Variants in CTNNA1 observed in about 807,000 individuals in gnomAD.
CTNNA1 encodes the protein catenin alpha 1.
Under a neutral mutation model 98.4 loss-of-function variants are expected in CTNNA1, and 37 were observed. That is an observed-to-expected ratio of 0.38 (90% confidence interval 0.29 to 0.49). CTNNA1 has a LOEUF of 0.49. Ranked by LOEUF, CTNNA1 falls within the 20% of genes least tolerant of loss-of-function variation. The pLI, the probability that CTNNA1 is intolerant of heterozygous loss-of-function variation, is 0.95. For synonymous variants in CTNNA1, 404 were observed against 413.2 expected (o/e 0.98, Z 0.27); for missense variants, 761 against 1,147.2 (o/e 0.66, Z 4.86).
chr5:138,787,689 G>T (rs1300382935), intron 3 of CTNNA1, among the ~76,000 whole-genome samples: 1 of 152,124 alleles, frequency 6.6e-6, no homozygotes, highest in Non-Finnish European at 1.5e-5. Context: ...GTATCTTTGG[G>T]TTTGTACATG....
chr5:138,758,721 C>G (rs1751988802), intron 1 of CTNNA1, among the ~76,000 whole-genome samples: 1 of 152,052 alleles, frequency 6.6e-6, no homozygotes, highest in Non-Finnish European at 1.5e-5. Flanking sequence ...TTTTCCCATA[C>G]CTTCCTTTAG....
intron 7 of CTNNA1, among the ~76,000 whole-genome samples, chr5:138,881,907 C>T (rs1311124221): frequency 6.6e-6 from 1 of 152,202 alleles, no homozygotes; most frequent in Non-Finnish European, 1.5e-5. Context: ...TCACCCTCCT[C>T]TACCCACCTC....
At chr5:138,871,002 A>AAG (rs1750535252) in intron 7 of CTNNA1, 1 of 152,208 alleles carries the variant, frequency 6.6e-6, no homozygotes, top group Non-Finnish European at 1.5e-5. Flanking sequence ...CACCTTAAAA[A>AAG]AGAGCACATT....
At chr5:138,931,268 T>A (rs973359575) in intron 16 of CTNNA1, among the ~76,000 whole-genome samples, 1 of 152,176 alleles carries the variant, frequency 6.6e-6, no homozygotes, top group African/African-American at 2.4e-5. Flanking sequence ...GGGCCCAGGT[T>A]TCTTCATCCT....
chr5:138,815,284 G>T (rs1759317738), intron 5 of CTNNA1, among the ~76,000 whole-genome samples: 1 of 151,712 alleles, frequency 6.6e-6, no homozygotes, highest in Non-Finnish European at 1.5e-5. Context: ...CAGAAATATT[G>T]GAATTATTAT....
Position 138,887,590 on chromosome 5 carries a change from A to T in CTNNA1, c.1244A>T (p.Glu415Val). 1 of 1,612,236 alleles carries T rather than the reference A, an allele frequency of 6.2e-7. No individual in the cohort carries two copies. The highest frequency in any genetic ancestry group is 8.5e-7 in the Non-Finnish European group (1 of 1,179,268). The change falls in exon 9 of 18, where the codon GAA becomes GTA. Residue 415 changes from glutamate (E) to valine (V), a missense_variant. This residue lies in a region of CTNNA1 where 287 missense variants were observed against 436.0 expected (regional missense o/e 0.66). Coordinates refer to ENST00000302763, the MANE Select transcript of CTNNA1 (RefSeq NM_001903.5). ...GCTGCAAAGAATGGAAATGAGAAAG[A>T]AGTTAAGGAGTATGCCCAAGTTTTC... ...IEAAKNGNEK[E>V]VKEYAQVFRE...
chr5:138,898,233 A>G (rs1031298998), intron 9 of CTNNA1, among the ~76,000 whole-genome samples: 1 of 135,822 alleles, frequency 7.4e-6, no homozygotes, highest in Non-Finnish European at 1.5e-5. Flanking sequence ...TTGCACCATG[A>G]TTGGAAATTT....
chr5:138,763,842 G>C (rs1752616388), intron 1 of CTNNA1, among the ~76,000 whole-genome samples: 1 of 151,904 alleles, frequency 6.6e-6, no homozygotes, highest in Non-Finnish European at 1.5e-5. Context: ...CTGTGGACCT[G>C]GGTTATCATA....
intron 3 of CTNNA1, among the ~76,000 whole-genome samples, chr5:138,792,601 G>A (rs916834056): frequency 1.3e-5 from 2 of 152,198 alleles, no homozygotes; most frequent in African/African-American, 2.4e-5. Flanking sequence ...CATTGTGTGG[G>A]TGTGTGTGAG....
chr5:138,814,250 CTTT>C (rs201780214), intron 5 of CTNNA1, among the ~76,000 whole-genome samples: 3 of 136,702 alleles, frequency 2.2e-5, no homozygotes, highest in South Asian at 2.3e-4. Context: ...GCTCAGTGTG[CTTT>C]TTTTTTTTTT....
At chr5:138,901,560 GAC>G (rs1200830162) in intron 9 of CTNNA1, among the ~76,000 whole-genome samples, 28 of 152,102 alleles carry the variant, frequency 1.8e-4, no homozygotes, top group African/African-American at 6.8e-4. Flanking sequence ...AATTAGCTGG[GAC>G]TATAGGTGCG....
At chr5:138,837,539 CT>C (rs1404549857) in intron 7 of CTNNA1, among the ~76,000 whole-genome samples, 7 of 130,200 alleles carry the variant, frequency 5.4e-5, no homozygotes, top group Admixed American at 3.9e-4. Context: ...CCTCCCCCCC[CT>C]TTCCCCACTC....
chr5:138,789,136 C>G (rs970656970), intron 3 of CTNNA1, among the ~76,000 whole-genome samples: 1 of 151,962 alleles, frequency 6.6e-6, no homozygotes, highest in Non-Finnish European at 1.5e-5. Context: ...AGTGTGTGGT[C>G]CCTGAGGGGG....
At chr5:138,764,701 C>T (rs1290393063) in intron 1 of CTNNA1, among the ~76,000 whole-genome samples, 1 of 151,674 alleles carries the variant, frequency 6.6e-6, no homozygotes, top group African/African-American at 2.4e-5. Context: ...GAACTCCTGA[C>T]CTCAGGTGAT....
Position 138,811,401 on chromosome 5 carries a change from C to T in CTNNA1, c.469-782C>T, listed in dbSNP as rs374120586. Among the ~76,000 whole-genome samples, 9 of 110,872 alleles carry T rather than the reference C, an allele frequency of 8.1e-5. 1 individual carries two copies. The East Asian group carries it at 2.2e-3, about 28-fold the overall frequency. The allele number at this position is 110,872 out of a possible 152,430, so 72.7% of individuals were successfully genotyped here. ...GCTCCTCACTTCCCAGATGGGATGG[C>T]GGCCGGGCAGAGACGCTCCTCACTT... On this transcript the variant is annotated intron_variant, in intron 4 of 17. Coordinates refer to ENST00000302763, the MANE Select transcript of CTNNA1 (RefSeq NM_001903.5).
Position 138,783,207 on chromosome 5 carries a change from G to T in CTNNA1, c.136G>T (p.Gly46Trp), listed in dbSNP as rs751978245. 7 of 1,613,126 alleles carry T rather than the reference G, an allele frequency of 4.3e-6. No homozygotes were observed. In the South Asian group the frequency reaches 4.4e-5, roughly 10 times the overall value. The change falls in exon 3 of 18, where the codon GGG becomes TGG. Residue 46 changes from glycine (G) to tryptophan (W), a missense_variant. Gly to Trp is a radical substitution (Grantham distance 184). Transcript: ENST00000302763. ...VTTLVNTNSK[G>W]PSNKKRGRSK... is the part of the protein sequence containing the mutation. Reference sequence around the variant, plus strand: ...AACCCTTGTAAACACCAATAGTAAAGGGCCCTCTAATAAGAAGAGAGGTCG... The same window carrying T: ...AACCCTTGTAAACACCAATAGTAAATGGCCCTCTAATAAGAAGAGAGGTCG...
intron 9 of CTNNA1, among the ~76,000 whole-genome samples, chr5:138,900,389 C>CGG (rs1757782216): frequency 6.6e-6 from 1 of 151,902 alleles, no homozygotes; most frequent in African/African-American, 2.4e-5. Flanking sequence ...TTATGAGAGT[C>CGG]AGTCATTAAT....
intron 7 of CTNNA1, among the ~76,000 whole-genome samples, chr5:138,828,768 C>A (rs549792831): frequency 6.6e-6 from 1 of 152,166 alleles, no homozygotes; most frequent in Admixed American, 6.5e-5. Context: ...AGATGAATGC[C>A]TTCCTCTGTT....
intron 7 of CTNNA1, among the ~76,000 whole-genome samples, chr5:138,835,576 T>C (rs1761700211): frequency 6.6e-6 from 1 of 152,194 alleles, no homozygotes; most frequent in African/African-American, 2.4e-5. Flanking sequence ...GAATGCAAAA[T>C]TTGAGCCTGT....
Sources: allele counts gnomAD v4.1 joint callset (sites outside exome capture counted in the v4.1 genomes callset), GRCh38; gene constraint gnomAD v4.1.1; regional missense constraint gnomAD v4.1.1; transcripts MANE v1.5; gene names NCBI Gene and HGNC (gene_info 2026-07-23, HGNC 2026-07-21).